TYW1B: variants seen among roughly 807,000 people sequenced by gnomAD.
TYW1B encodes tRNA-yW synthesizing protein 1 homolog B, also known as S-adenosyl-L-methionine-dependent tRNA 4-demethylwyosine synthase TYW1B.
TYW1B carries 73 observed loss-of-function variants against 86.9 expected under a neutral mutation model. The observed-to-expected ratio is 0.84, with a 90% confidence interval of 0.70 to 1.02. TYW1B has a LOEUF of 1.02. Ranked by LOEUF, TYW1B falls within the 50% of genes least tolerant of loss-of-function variation. The pLI is 0.00. For synonymous variants in TYW1B, 248 were observed against 292.8 expected (o/e 0.85, Z 1.56); for missense variants, 637 against 827.4 (o/e 0.77, Z 2.82).
chr7:72,597,871 A>G (rs1248006807), intron 13 of TYW1B, among the ~76,000 whole-genome samples: 1 of 152,000 alleles, frequency 6.6e-6, no homozygotes, highest in Non-Finnish European at 1.5e-5. Flanking sequence ...TTCAAAGAAC[A>G]AGCAACTTCA....
intron 12 of TYW1B, among the ~76,000 whole-genome samples, chr7:72,628,059 AG>A (rs1812393768): frequency 6.6e-6 from 1 of 152,170 alleles, no homozygotes; most frequent in African/African-American, 2.4e-5. Context: ...TGAGAGGCCG[AG>A]GCAGGAGGGT....
At chr7:72,617,194 G>T (rs1411056736) in intron 12 of TYW1B, among the ~76,000 whole-genome samples, 1 of 152,176 alleles carries the variant, frequency 6.6e-6, no homozygotes, top group South Asian at 2.1e-4. Flanking sequence ...TTATGAAGGG[G>T]TTATCACCCC....
chr7:72,702,965 ATCAT>A lies in TYW1B; in HGVS notation c.1371-8147_1371-8144del, dbSNP rs1585914659. Among the ~76,000 whole-genome samples, 3 of 141,574 alleles carry A rather than the reference ATCAT, an allele frequency of 2.1e-5. No homozygotes were observed. The East Asian group carries it at 6.4e-4, about 30-fold the overall frequency. The allele number at this position is 141,574 out of a possible 152,430, so 92.9% of individuals were successfully genotyped here. ...CACATATTTTGTTTTCTTATCTATC[ATCAT>A]TCATCTATCTATCTATCTATATATA... On this transcript the variant is annotated intron_variant, in intron 10 of 13. Coordinates refer to ENST00000620995, the MANE Select transcript of TYW1B (RefSeq NM_001145440.3).
At position 72,619,052 on chromosome 7, in the gene TYW1B, ACAAC is replaced by A. The variant is rs1554437440; in HGVS notation, c.1618-2217_1618-2214del. ...ACCACGAGCAAGGATGATCAAACAG[ACAAC>A]TGCGCATGTCCGAGGACTTTCCAGA... On this transcript the variant is annotated intron_variant, in intron 12 of 13. Transcript: ENST00000620995. Among the ~76,000 whole-genome samples, 328 of 152,292 alleles carry A rather than the reference ACAAC, an allele frequency of 2.2e-3. 3 individuals carry two copies. The highest frequency in any genetic ancestry group is 7.3e-3 in the African/African-American group (302 of 41,580).
intron 13 of TYW1B, among the ~76,000 whole-genome samples, chr7:72,609,591 G>C (rs1811886914): frequency 6.6e-6 from 1 of 151,960 alleles, no homozygotes; most frequent in Non-Finnish European, 1.5e-5. Flanking sequence ...AATAAATTGA[G>C]CAATCTCCTG....
intron 11 of TYW1B, among the ~76,000 whole-genome samples, chr7:72,632,311 ATT>A (rs1491222236): frequency 5.4e-5 from 5 of 92,462 alleles, no homozygotes; most frequent in African/African-American, 2.2e-4. Context: ...GTGTATATAT[ATT>A]ATATATATTA....
intron 12 of TYW1B, among the ~76,000 whole-genome samples, chr7:72,622,824 TACACAAACACACC>T (rs1372323575): frequency 2.1e-5 from 3 of 142,818 alleles, no homozygotes; most frequent in Non-Finnish European, 4.8e-5. Context: ...GCACACACAC[TACACAAACACACC>T]ACACAAACAC....
chr7:72,582,622 T>G (rs1811181744), intron 13 of TYW1B, among the ~76,000 whole-genome samples: 1 of 152,196 alleles, frequency 6.6e-6, no homozygotes, highest in Non-Finnish European at 1.5e-5. Flanking sequence ...CAGAGACATT[T>G]CACTCAAGAC....
intron 11 of TYW1B, among the ~76,000 whole-genome samples, chr7:72,661,923 T>C (rs1243652872): frequency 1.3e-5 from 2 of 151,892 alleles, no homozygotes; most frequent in African/African-American, 4.8e-5. Context: ...CTTCCCTATT[T>C]CCCTTTCAGA....
At chr7:72,789,432 G>T (rs530555190) in intron 6 of TYW1B, among the ~76,000 whole-genome samples, 2 of 152,112 alleles carry the variant, frequency 1.3e-5, no homozygotes, top group Non-Finnish European at 2.9e-5. Flanking sequence ...CACCAAGCCC[G>T]GCCCGAGTAT....
chr7:72,776,786 CTAAT>C (rs1787963069), intron 7 of TYW1B, among the ~76,000 whole-genome samples: 1 of 151,238 alleles, frequency 6.6e-6, no homozygotes, highest in South Asian at 2.1e-4. Context: ...ATAATCTACC[CTAAT>C]TAAAATATAG....
intron 12 of TYW1B, among the ~76,000 whole-genome samples, chr7:72,626,123 T>C (rs2129568638): frequency 6.6e-6 from 1 of 151,462 alleles, no homozygotes; most frequent in Admixed American, 6.6e-5. Flanking sequence ...CTGCCAAGAG[T>C]AGCCTTTTGA....
chr7:72,689,395 G>A (rs1814086336), intron 11 of TYW1B, among the ~76,000 whole-genome samples: 1 of 152,178 alleles, frequency 6.6e-6, no homozygotes, highest in Non-Finnish European at 1.5e-5. Flanking sequence ...ATTTCTGGCT[G>A]CATTCAATTT....
At chr7:72,578,467 C>T (rs1385063061) in intron 13 of TYW1B, among the ~76,000 whole-genome samples, 9 of 152,258 alleles carry the variant, frequency 5.9e-5, no homozygotes, top group African/African-American at 1.9e-4. Flanking sequence ...CAAAATTCCA[C>T]CTGGTCTACT....
At chr7:72,713,911 A>C in intron 9 of TYW1B, 113 bp from the exon 10 acceptor site, 1 of 777,128 alleles carries the variant, frequency 1.3e-6, no homozygotes, top group Non-Finnish European at 2.0e-6. Context: ...ATACCAAAGA[A>C]TACAAAACAA....
intron 13 of TYW1B, among the ~76,000 whole-genome samples, chr7:72,605,456 C>T (rs1334412716): frequency 5.9e-5 from 9 of 151,784 alleles, no homozygotes; most frequent in African/African-American, 7.3e-5. Flanking sequence ...CTGGTTGAAG[C>T]GATTCTCCTG....
At chr7:72,764,954 T>C (rs748041101) in intron 7 of TYW1B, among the ~76,000 whole-genome samples, 4 of 152,218 alleles carry the variant, frequency 2.6e-5, no homozygotes, top group Non-Finnish European at 5.9e-5. Context: ...TTCCTTCCTA[T>C]TGGATTCCTC....
chr7:72,664,754 TTA>T (rs146217140), intron 11 of TYW1B, among the ~76,000 whole-genome samples: 1 of 151,986 alleles, frequency 6.6e-6, no homozygotes, highest in African/African-American at 2.4e-5. Context: ...ACTTAAGAGT[TTA>T]AAAAAAAAAT....
chr7:72,609,085 G>GGTAC (rs1811869528), intron 13 of TYW1B, among the ~76,000 whole-genome samples: 1 of 152,154 alleles, frequency 6.6e-6, no homozygotes, highest in Non-Finnish European at 1.5e-5. Context: ...ACTACATGAA[G>GGTAC]GGTACCTGAG....
Sources: gnomAD v4.1 joint callset for allele counts (sites outside exome capture counted in the v4.1 genomes callset) on GRCh38, gnomAD v4.1.1 for gene constraint, MANE v1.5 for transcripts, NCBI Gene and HGNC (gene_info 2026-07-23, HGNC 2026-07-21) for gene names.